The following OXR1 variants were observed in gnomAD, a reference collection of about 807,000 sequenced individuals.
OXR1 encodes the protein oxidation resistance protein 1.
In OXR1, 41 loss-of-function variants were observed where a neutral mutation model predicts 104.6. That is an observed-to-expected ratio of 0.39 (90% CI 0.31 to 0.51). The LOEUF (loss-of-function observed/expected upper bound fraction) is 0.51, where lower values mean the gene tolerates loss of function less well. Ranked by LOEUF, OXR1 falls within the 20% of genes least tolerant of loss-of-function variation. The pLI, the probability that OXR1 is intolerant of heterozygous loss-of-function variation, is 0.77. For missense variants in OXR1, 955 were observed against 1,031.9 expected (o/e 0.93, Z 1.02); for synonymous variants, 348 against 348.4 (o/e 1.00, Z 0.01).
chr8:106,649,246 A>G (rs1666791324), intron 3 of OXR1, among the ~76,000 whole-genome samples: 1 of 152,012 alleles, frequency 6.6e-6, no homozygotes, highest in Admixed American at 6.6e-5. Context: ...TTGTGGACAC[A>G]ATATGTTCCC....
At chr8:106,700,091 T>G (rs1225364496) in intron 7 of OXR1, among the ~76,000 whole-genome samples, 1 of 152,166 alleles carries the variant, frequency 6.6e-6, no homozygotes, top group Non-Finnish European at 1.5e-5. Flanking sequence ...TTTAGAAGAT[T>G]AGTCAGGTAA....
intron 3 of OXR1, among the ~76,000 whole-genome samples, chr8:106,559,651 G>C (rs559933402): frequency 8.5e-5 from 13 of 152,276 alleles, no homozygotes; most frequent in Middle Eastern, 3.4e-3. Context: ...CATAGCACCA[G>C]CAGACTTGAT....
At chr8:106,457,577 G>A (rs1820670837) in intron 2 of OXR1, among the ~76,000 whole-genome samples, 1 of 152,132 alleles carries the variant, frequency 6.6e-6, no homozygotes, top group Non-Finnish European at 1.5e-5. Flanking sequence ...AGAGGAGCAG[G>A]CTAGAAAAGG....
At chr8:106,483,999 A>G (rs1475728876) in intron 2 of OXR1, among the ~76,000 whole-genome samples, 4 of 152,112 alleles carry the variant, frequency 2.6e-5, no homozygotes, top group African/African-American at 9.7e-5. Flanking sequence ...GGAAATCTAG[A>G]TTCCCTTGGG....
intron 1 of OXR1, among the ~76,000 whole-genome samples, chr8:106,295,328 T>C (rs994731910): frequency 2.6e-5 from 4 of 152,150 alleles, no homozygotes; most frequent in African/African-American, 9.7e-5. Flanking sequence ...GCAACTGGCA[T>C]GAGTGATAGT....
chr8:106,408,672 T>C (rs1818340384), intron 2 of OXR1, among the ~76,000 whole-genome samples: 1 of 152,206 alleles, frequency 6.6e-6, no homozygotes, highest in Non-Finnish European at 1.5e-5. Context: ...CTTTCAATTG[T>C]TGCTGCTCTT....
chr8:106,747,928 A>G (rs941231432), intron 16 of OXR1, among the ~76,000 whole-genome samples: 8 of 152,234 alleles, frequency 5.3e-5, no homozygotes, highest in African/African-American at 7.2e-5. Flanking sequence ...TGAGATTACA[A>G]CTAGATGTCT....
chr8:106,750,319 C>CTTTCTT (rs1563773398), intron 16 of OXR1, among the ~76,000 whole-genome samples: 1 of 68,260 alleles, frequency 1.5e-5, no homozygotes, highest in African/African-American at 4.6e-5. Flanking sequence ...CTTTTCTTTT[C>CTTTCTT]TTTTCTTTTT....
At chr8:106,568,805 AAAAT>A (rs1817261230) in intron 3 of OXR1, among the ~76,000 whole-genome samples, 1 of 152,182 alleles carries the variant, frequency 6.6e-6, no homozygotes, top group South Asian at 2.1e-4. Context: ...AAAATACTAG[AAAAT>A]AAATAAATGT....
intron 2 of OXR1, among the ~76,000 whole-genome samples, chr8:106,508,131 A>G (rs1364717427): frequency 6.6e-6 from 1 of 152,202 alleles, no homozygotes; most frequent in Non-Finnish European, 1.5e-5. Context: ...CAGGACTTAC[A>G]GAAGGAAGAG....
intron 1 of OXR1, among the ~76,000 whole-genome samples, chr8:106,309,850 GGGTTT>G (rs1813624778): frequency 6.6e-6 from 1 of 151,116 alleles, no homozygotes; most frequent in Non-Finnish European, 1.5e-5. Flanking sequence ...TTGAGCTTGA[GGGTTT>G]GTAATTTTAC....
chr8:106,709,479 G>T (rs567083820), intron 9 of OXR1, among the ~76,000 whole-genome samples: 64 of 151,984 alleles, frequency 4.2e-4, no homozygotes, highest in Admixed American at 2.8e-3. Flanking sequence ...ATATTTTGAA[G>T]ATCTTTGACT....
chr8:106,398,954 T>C (rs1452466236), intron 2 of OXR1, among the ~76,000 whole-genome samples: 1 of 152,304 alleles, frequency 6.6e-6, no homozygotes, highest in Admixed American at 6.5e-5. Flanking sequence ...TCATCTTCCC[T>C]AAAATTTCTG....
chr8:106,483,935 G>C (rs1822289899), intron 2 of OXR1, among the ~76,000 whole-genome samples: 2 of 152,056 alleles, frequency 1.3e-5, no homozygotes, highest in Admixed American at 6.6e-5. Context: ...CTCAGCCCAA[G>C]GGAATTTGAA....
chr8:106,679,197 C>G lies in OXR1; in HGVS notation c.221-13C>G, dbSNP rs544083524. The G allele has an allele frequency of 1.3e-6, 2 of 1,577,764 alleles. No homozygotes were observed. Among genetic ancestry groups the G allele is most frequent in the East Asian group, 4.5e-5 (2 of 44,374 alleles). On this transcript the variant is annotated splice_polypyrimidine_tract_variant and intron_variant, in intron 3 of 16. Coordinates refer to ENST00000517566, the MANE Select transcript of OXR1 (RefSeq NM_001198533.2). ...AAGATGAATTTAATAGGAATTTTGC[C>G]TTTTTTTCCCAGACACTGGCCAAAA...
At chr8:106,715,606 AT>A (rs1832163111) in intron 11 of OXR1, among the ~76,000 whole-genome samples, 1 of 152,034 alleles carries the variant, frequency 6.6e-6, no homozygotes, top group South Asian at 2.1e-4. Context: ...AAGAAAAGGT[AT>A]TAGCTAGCTA....
At chr8:106,618,266 T>C in intron 3 of OXR1, 2 of 1,113,594 alleles carry the variant, frequency 1.8e-6, no homozygotes, top group South Asian at 1.3e-5. Flanking sequence ...GCACACTTTA[T>C]GTTGCATTTT....
intron 2 of OXR1, among the ~76,000 whole-genome samples, chr8:106,425,921 A>G (rs1819099543): frequency 6.6e-6 from 1 of 152,196 alleles, no homozygotes; most frequent in Admixed American, 6.5e-5. Context: ...GAGCAAGTGC[A>G]AACTTCTTGC....
chr8:106,323,385 G>T (rs1285604448), intron 1 of OXR1, among the ~76,000 whole-genome samples: 1 of 152,132 alleles, frequency 6.6e-6, no homozygotes, highest in Non-Finnish European at 1.5e-5. Context: ...TTGGATTAAA[G>T]ACTTAAATAT....
Sources: gnomAD v4.1 joint callset for allele counts (sites outside exome capture counted in the v4.1 genomes callset) on GRCh38, gnomAD v4.1.1 for gene constraint, MANE v1.5 for transcripts, NCBI Gene and HGNC (gene_info 2026-07-23, HGNC 2026-07-21) for gene names.